The following ATAD2B variants were observed in gnomAD, a reference collection of about 807,000 sequenced individuals.
The protein encoded by ATAD2B is ATPase family AAA domain containing 2B, also known as ATPase family AAA domain-containing protein 2B.
In ATAD2B, 40 loss-of-function variants were observed where a neutral mutation model predicts 167.6. That is an observed-to-expected ratio of 0.24 (90% confidence interval 0.19 to 0.31). ATAD2B has a LOEUF of 0.31. Among genes scored for constraint, ATAD2B ranks in the 10% least tolerant of loss-of-function variants. The pLI is 1.00. For missense variants in ATAD2B, 1,242 were observed against 1,757.2 expected, an observed-to-expected ratio of 0.71 and a Z score of 5.24; for synonymous variants, 579 against 596.5, an observed-to-expected ratio of 0.97 and a Z score of 0.43.
At position 23,892,306 on chromosome 2, in the gene ATAD2B, G is replaced by A. The variant is rs1279816315; in HGVS notation, c.368+3513C>T. 2.6e-5 allele frequency among the ~76,000 whole-genome samples: 4 copies of A among 152,062 alleles called. No homozygotes were observed. The South Asian group carries it at 8.3e-4, about 32-fold the overall frequency. On this transcript the variant is annotated intron_variant, in intron 2 of 27. Transcript: ENST00000238789. ...AGCCTCCTGAGTAGCTGGAACTACA[G>A]GCACCCGCCACCACGCCTGGCTAAT...
At chr2:23,896,371 C>T (rs6545162) in intron 1 of ATAD2B, among the ~76,000 whole-genome samples, 111,464 of 151,726 alleles carry the variant, frequency 0.73, 41,340 homozygotes, top group East Asian at 0.85. Context: ...TCAAGCATTT[C>T]GTCAACCAAT....
intron 12 of ATAD2B, 31 bp from the exon 13 acceptor site, chr2:23,857,534 G>A (rs1393143978): frequency 5.7e-6 from 6 of 1,046,518 alleles, no homozygotes; most frequent in Non-Finnish European, 6.6e-6. Flanking sequence ...AATATTTATT[G>A]TATTTGTTTT....
chr2:23,760,751 T>TATAC (rs1553373395), intron 24 of ATAD2B, among the ~76,000 whole-genome samples: 1 of 100,342 alleles, frequency 1.0e-5, no homozygotes, highest in Non-Finnish European at 2.1e-5. Context: ...CACACACACA[T>TATAC]ACACACACAC....
intron 16 of ATAD2B, among the ~76,000 whole-genome samples, chr2:23,822,691 A>C (rs188991706): frequency 6.6e-6 from 1 of 151,152 alleles, no homozygotes; most frequent in East Asian, 2.0e-4. Flanking sequence ...CAAGGTGGGA[A>C]GATCACCTGA....
intron 18 of ATAD2B, chr2:23,799,725 C>A (rs1347029611): frequency 6.6e-6 from 1 of 151,860 alleles, no homozygotes; most frequent in East Asian, 1.9e-4. Flanking sequence ...CAGCTTTCAA[C>A]CTTCTGTGTA....
intron 18 of ATAD2B, among the ~76,000 whole-genome samples, chr2:23,806,467 A>C (rs1684404769): frequency 6.6e-6 from 1 of 152,140 alleles, no homozygotes; most frequent in South Asian, 2.1e-4. Flanking sequence ...TTTCTTTATT[A>C]CTGTAACTCT....
At chr2:23,818,957 G>A (rs977903404) in intron 17 of ATAD2B, among the ~76,000 whole-genome samples, 2 of 152,112 alleles carry the variant, frequency 1.3e-5, no homozygotes, top group African/African-American at 4.8e-5. Context: ...AATGTTTCTA[G>A]AAAATCAAAA....
At chr2:23,894,607 C>T (rs1386953386) in intron 2 of ATAD2B, among the ~76,000 whole-genome samples, 1 of 152,078 alleles carries the variant, frequency 6.6e-6, no homozygotes, top group Non-Finnish European at 1.5e-5. Flanking sequence ...CCAATTTTAA[C>T]ACTAAAAGAA....
At chr2:23,814,874 G>A (rs1357710208) in intron 17 of ATAD2B, among the ~76,000 whole-genome samples, 3 of 151,934 alleles carry the variant, frequency 2.0e-5, no homozygotes, top group Non-Finnish European at 4.4e-5. Flanking sequence ...CCAACATGGT[G>A]AAACCCTGAC....
At chr2:23,735,037 C>A in the ATAD2B span, among the ~76,000 whole-genome samples, 8 of 152,144 alleles carry the variant, frequency 5.3e-5, no homozygotes, top group Non-Finnish European at 7.4e-5. Flanking sequence ...CATATTACTG[C>A]CAAATTAATA....
the ATAD2B span, chr2:23,695,651 G>A: frequency 1.3e-6 from 2 of 1,551,224 alleles, no homozygotes; most frequent in East Asian, 2.4e-5. This position sits in a 1 kb window ranked among gnomAD's most constrained non-coding sequence, Gnocchi z 7.6. Context: ...GCCGTGGTCC[G>A]CCTCCCCTTC....
the ATAD2B span, among the ~76,000 whole-genome samples, chr2:23,720,631 G>A: frequency 6.6e-6 from 1 of 150,802 alleles, no homozygotes; most frequent in African/African-American, 2.4e-5. Context: ...AGTGTCTGCA[G>A]CCCTGTCTCC....
the ATAD2B span, among the ~76,000 whole-genome samples, chr2:23,699,335 C>T: frequency 9.1e-4 from 139 of 152,308 alleles, 1 homozygote; most frequent in African/African-American, 3.0e-3. Context: ...GCCCAGGCCT[C>T]GCATTGCGTC....
the ATAD2B span, among the ~76,000 whole-genome samples, chr2:23,711,444 A>ACTG: frequency 7.5e-6 from 1 of 133,428 alleles, no homozygotes; most frequent in African/African-American, 2.9e-5. Context: ...ACCTGGGGTC[A>ACTG]CTGCAACCTC....
At chr2:23,737,798 T>A in the ATAD2B span, among the ~76,000 whole-genome samples, 1 of 151,972 alleles carries the variant, frequency 6.6e-6, no homozygotes, top group East Asian at 1.9e-4. Context: ...TAAAAGGCTT[T>A]GAAAAAAAAT....
the ATAD2B span, among the ~76,000 whole-genome samples, chr2:23,711,897 C>T: frequency 6.6e-6 from 1 of 152,190 alleles, no homozygotes; most frequent in African/African-American, 2.4e-5. Context: ...AACATAATTA[C>T]ACACATTAAC....
intron 6 of ATAD2B, among the ~76,000 whole-genome samples, chr2:23,884,373 A>G (rs1698390789): frequency 6.6e-6 from 1 of 152,064 alleles, no homozygotes; most frequent in Non-Finnish European, 1.5e-5. Context: ...TCCTCAGACC[A>G]TACCTAAATT....
downstream of ATAD2B, among the ~76,000 whole-genome samples, chr2:23,747,972 T>G (rs1389020060): frequency 1.3e-5 from 2 of 152,158 alleles, no homozygotes; most frequent in Non-Finnish European, 2.9e-5. Context: ...TATAAGCTTT[T>G]TATCTAAACA....
intron 22 of ATAD2B, among the ~76,000 whole-genome samples, chr2:23,767,933 A>G (rs868243600): frequency 6.6e-6 from 1 of 152,076 alleles, no homozygotes; most frequent in African/African-American, 2.4e-5. Flanking sequence ...AATAGAGAGG[A>G]AAGGAGGAAA....
Sources: gnomAD v4.1 joint callset for allele counts (sites outside exome capture counted in the v4.1 genomes callset) on GRCh38, gnomAD v4.1.1 for gene constraint, Gnocchi (gnomAD v3.1) non-coding constraint, MANE v1.5 for transcripts, NCBI Gene and HGNC (gene_info 2026-07-23, HGNC 2026-07-21) for gene names.